Variants in GPR137C observed in about 807,000 individuals in gnomAD.
GPR137C encodes the protein G protein-coupled receptor 137C.
Under a neutral mutation model 43.4 loss-of-function variants are expected in GPR137C, and 27 were observed. The observed-to-expected ratio is 0.62, with a 90% CI of 0.46 to 0.86. The LOEUF is 0.86. GPR137C is among the 40% of genes least tolerant of loss of function. The pLI is 0.00. For missense variants in GPR137C, 522 were observed against 534.6 expected (o/e 0.98, Z 0.23); for synonymous variants, 285 against 226.9 (o/e 1.26, Z -2.30).
chr14:52,630,010 A>G (rs992898228), intron 3 of GPR137C, among the ~76,000 whole-genome samples: 1 of 152,152 alleles, frequency 6.6e-6, no homozygotes, highest in African/African-American at 2.4e-5. Context: ...TTCTGACTCT[A>G]TTTTAGGAAG....
chr14:52,553,561 G>C lies in GPR137C; in HGVS notation c.414G>C (p.Thr138=), dbSNP rs577150825. ...YCFPSCLQFS[T]LCLLNLYLAE... Reference sequence around the variant, plus strand: ...TCCCCTCCTGTCTCCAGTTCTCCACGCTCTGTCTCCTCAACCTCTACCTGG... The same window carrying C: ...TCCCCTCCTGTCTCCAGTTCTCCACCCTCTGTCTCCTCAACCTCTACCTGG... Residue 138 remains threonine, a synonymous_variant, in exon 1 of 7, where the codon ACG becomes ACC. Coordinates refer to ENST00000321662, the MANE Select transcript of GPR137C (RefSeq NM_001099652.2). 3.6e-5 allele frequency: 57 copies of C among 1,604,258 alleles called. No homozygotes were observed. In the Admixed American group the frequency reaches 8.5e-4, roughly 24 times the overall value.
chr14:52,609,050 C>G (rs2039011380), intron 3 of GPR137C, among the ~76,000 whole-genome samples: 1 of 152,164 alleles, frequency 6.6e-6, no homozygotes, highest in African/African-American at 2.4e-5. Context: ...CTACCTAACT[C>G]CAACACCCCA....
At chr14:52,553,958 G>A (rs1297639859) in intron 1 of GPR137C, among the ~76,000 whole-genome samples, 1 of 152,180 alleles carries the variant, frequency 6.6e-6, no homozygotes, top group African/African-American at 2.4e-5. Context: ...GCCGAAGCCG[G>A]ACTGTGTTGA....
intron 1 of GPR137C, among the ~76,000 whole-genome samples, chr14:52,585,672 A>G (rs1445197766): frequency 7.2e-6 from 1 of 138,836 alleles, no homozygotes; most frequent in Non-Finnish European, 1.5e-5. Context: ...TGTCTCTACT[A>G]AAAAACACAA....
At chr14:52,632,119 A>G in intron 3 of GPR137C, 41 bp from the exon 4 acceptor site, 1 of 1,470,768 alleles carries the variant, frequency 6.8e-7, no homozygotes. Flanking sequence ...GTCGTGACAA[A>G]TGTGTAGAAT....
At chr14:52,574,552 G>A (rs566395050) in intron 1 of GPR137C, among the ~76,000 whole-genome samples, 8 of 152,232 alleles carry the variant, frequency 5.3e-5, no homozygotes, top group East Asian at 3.9e-4. Flanking sequence ...ATCACACACC[G>A]GGGCCTGTCG....
chr14:52,605,654 C>A (rs1223702389), intron 3 of GPR137C, among the ~76,000 whole-genome samples: 1 of 152,146 alleles, frequency 6.6e-6, no homozygotes, highest in Non-Finnish European at 1.5e-5. Flanking sequence ...TTCAATTTTT[C>A]CCCATTCAAT....
intron 1 of GPR137C, among the ~76,000 whole-genome samples, chr14:52,597,189 C>T (rs79976513): frequency 0.01 from 1,559 of 152,246 alleles, 13 homozygotes; most frequent in Middle Eastern, 0.034. Flanking sequence ...TTACCTCATA[C>T]CCTTTCTTGG....
chr14:52,559,821 T>C (rs1158295160), intron 1 of GPR137C, among the ~76,000 whole-genome samples: 1 of 152,206 alleles, frequency 6.6e-6, no homozygotes, highest in Non-Finnish European at 1.5e-5. Flanking sequence ...TTATAGGATA[T>C]AACTTTTTAT....
chr14:52,591,974 T>A (rs960267958), intron 1 of GPR137C, among the ~76,000 whole-genome samples: 5 of 152,240 alleles, frequency 3.3e-5, no homozygotes, highest in African/African-American at 1.2e-4. Flanking sequence ...CATTTAAGTC[T>A]TTAATACGCC....
intron 3 of GPR137C, among the ~76,000 whole-genome samples, chr14:52,630,906 G>A (rs2039287008): frequency 6.6e-6 from 1 of 152,134 alleles, no homozygotes; most frequent in Non-Finnish European, 1.5e-5. Context: ...ATAGATGTTT[G>A]TGTTTAGACA....
intron 1 of GPR137C, among the ~76,000 whole-genome samples, chr14:52,553,830 C>T (rs1241412499): frequency 6.6e-6 from 1 of 152,130 alleles, no homozygotes; most frequent in Non-Finnish European, 1.5e-5. Context: ...GTGTGTGTGT[C>T]TGACAACTTA....
At chr14:52,564,942 A>G (rs904098888) in intron 1 of GPR137C, among the ~76,000 whole-genome samples, 1 of 151,546 alleles carries the variant, frequency 6.6e-6, no homozygotes, top group Non-Finnish European at 1.5e-5. Flanking sequence ...TCAAAAAAAA[A>G]ATGCTTGCTT....
chr14:52,601,476 TTA>T lies in GPR137C; in HGVS notation c.717+1137_717+1138del, dbSNP rs1566617633. On this transcript the variant is annotated intron_variant, in intron 3 of 6. Transcript: ENST00000321662. ...TTTCAGTGGAATGCTGGGGGAGATATTATGTGTGTGTGTGTGTGTGTGTATAT... is the reference window on the plus strand; with the variant it reads ...TTTCAGTGGAATGCTGGGGGAGATATTGTGTGTGTGTGTGTGTGTGTATAT... 7.0e-4 allele frequency among the ~76,000 whole-genome samples: 97 copies of T among 137,732 alleles called. 1 individual carries two copies. The highest frequency in any genetic ancestry group is 2.5e-3 in the African/African-American group (95 of 37,370). The allele number at this position is 137,732 out of a possible 152,430, so 90.4% of individuals were successfully genotyped here. A position where few individuals can be genotyped will look rare whatever the true frequency, so the allele number is the denominator to read the frequency against.
chr14:52,612,471 GAGTT>G (rs2039048680), intron 3 of GPR137C: 1 of 981,914 alleles, frequency 1.0e-6, no homozygotes, highest in African/African-American at 1.7e-5. Context: ...TTTTTAGTAA[GAGTT>G]AGAGGTTTTA....
At chr14:52,623,929 G>A (rs2039190551) in intron 3 of GPR137C, among the ~76,000 whole-genome samples, 1 of 152,018 alleles carries the variant, frequency 6.6e-6, no homozygotes, top group African/African-American at 2.4e-5. Flanking sequence ...TTGTTGTGCA[G>A]CTGTGACTAC....
chr14:52,588,508 T>C (rs376591751), intron 1 of GPR137C, among the ~76,000 whole-genome samples: 1 of 152,172 alleles, frequency 6.6e-6, no homozygotes, highest in Non-Finnish European at 1.5e-5. Flanking sequence ...CCTGATATAA[T>C]GCATTGAAGA....
chr14:52,565,316 C>T (rs1488353442), intron 1 of GPR137C, among the ~76,000 whole-genome samples: 1 of 152,162 alleles, frequency 6.6e-6, no homozygotes, highest in African/African-American at 2.4e-5. Flanking sequence ...AGGAATAAAA[C>T]AACTAAATAT....
intron 1 of GPR137C, among the ~76,000 whole-genome samples, chr14:52,596,321 A>G (rs562979418): frequency 1.9e-4 from 29 of 152,118 alleles, no homozygotes; most frequent in Non-Finnish European, 4.1e-4. Context: ...CAGAGCTCAA[A>G]CTCCGTGCTG....
Sources: allele counts gnomAD v4.1 joint callset (sites outside exome capture counted in the v4.1 genomes callset), GRCh38; gene constraint gnomAD v4.1.1; transcripts MANE v1.5; gene names NCBI Gene and HGNC (gene_info 2026-07-23, HGNC 2026-07-21).